HECW1: variants seen among roughly 807,000 people sequenced by gnomAD.
HECW1 encodes HECT, C2 and WW domain containing E3 ubiquitin protein ligase 1.
Under a neutral mutation model 182.3 loss-of-function variants are expected in HECW1, and 61 were observed. The observed-to-expected ratio is 0.33, with a 90% CI of 0.27 to 0.41. The LOEUF is 0.41. HECW1 is among the 10% of genes least tolerant of loss of function. The pLI is 1.00. For missense variants in HECW1, 1,739 were observed against 2,108.9 expected (o/e 0.82, Z 3.44); for synonymous variants, 859 against 832.6 (o/e 1.03, Z -0.55).
At chr7:43,215,861 C>T (rs1796395955) in intron 2 of HECW1, among the ~76,000 whole-genome samples, 1 of 152,168 alleles carries the variant, frequency 6.6e-6, no homozygotes, top group Admixed American at 6.5e-5. Context: ...ATGTCTGTGC[C>T]TCTCTCTGTA....
intron 6 of HECW1, among the ~76,000 whole-genome samples, chr7:43,373,062 A>G (rs542436396): frequency 1.1e-3 from 171 of 152,308 alleles, no homozygotes; most frequent in Non-Finnish European, 2.1e-3. Flanking sequence ...TCTGATGATT[A>G]TAATGTCATT....
intron 2 of HECW1, among the ~76,000 whole-genome samples, chr7:43,215,626 T>C (rs1228739045): frequency 1.3e-5 from 2 of 152,214 alleles, no homozygotes; most frequent in African/African-American, 4.8e-5. Context: ...TTATCACCAC[T>C]CTTTATGCAT....
intron 13 of HECW1, among the ~76,000 whole-genome samples, chr7:43,456,836 A>G (rs151035893): frequency 5.3e-4 from 80 of 152,290 alleles, no homozygotes; most frequent in African/African-American, 1.8e-3. Flanking sequence ...ACTGGTCCAC[A>G]CCCATCATAC....
chr7:43,519,669 A>C (rs376081419), intron 24 of HECW1, among the ~76,000 whole-genome samples: 6 of 152,150 alleles, frequency 3.9e-5, no homozygotes, highest in African/African-American at 1.4e-4. Context: ...GGGAATGGTT[A>C]AATGTATTAC....
intron 24 of HECW1, among the ~76,000 whole-genome samples, chr7:43,521,560 C>G (rs1045571455): frequency 6.6e-6 from 1 of 152,162 alleles, no homozygotes; most frequent in Non-Finnish European, 1.5e-5. Flanking sequence ...TGAAACTTAA[C>G]CCCCAAGGTG....
chr7:43,536,421 T>C (rs1040699916), intron 24 of HECW1, among the ~76,000 whole-genome samples: 1 of 152,092 alleles, frequency 6.6e-6, no homozygotes, highest in Admixed American at 6.5e-5. Flanking sequence ...GTGGCTAGAA[T>C]GGGGAAAAGG....
intron 4 of HECW1, among the ~76,000 whole-genome samples, chr7:43,315,246 C>G (rs1358705862): frequency 6.6e-6 from 1 of 152,084 alleles, no homozygotes; most frequent in Non-Finnish European, 1.5e-5. Flanking sequence ...TCTAGAAGAG[C>G]AGAAGCTGTA....
At chr7:43,263,386 A>G in intron 3 of HECW1, among the ~76,000 whole-genome samples, 1 of 152,122 alleles carries the variant, frequency 6.6e-6, no homozygotes, top group Non-Finnish European at 1.5e-5. Context: ...TTTGAGATGG[A>G]GTCTCACTCT....
At chr7:43,392,910 G>A (rs1399466315) in intron 6 of HECW1, among the ~76,000 whole-genome samples, 1 of 152,168 alleles carries the variant, frequency 6.6e-6, no homozygotes, top group Non-Finnish European at 1.5e-5. Context: ...TGCAGTTTTA[G>A]GGGTGTGCAA....
At chr7:43,208,783 T>G (rs1426367569) in intron 2 of HECW1, among the ~76,000 whole-genome samples, 1 of 152,176 alleles carries the variant, frequency 6.6e-6, no homozygotes, top group Non-Finnish European at 1.5e-5. Flanking sequence ...GCTGTTTCTT[T>G]CCACCGAAGC....
chr7:43,381,840 T>C (rs1056196794), intron 6 of HECW1, among the ~76,000 whole-genome samples: 3 of 151,994 alleles, frequency 2.0e-5, no homozygotes, highest in Non-Finnish European at 4.4e-5. Context: ...TTTTTAAAAA[T>C]TTTTTTAGAA....
intron 8 of HECW1, among the ~76,000 whole-genome samples, chr7:43,425,038 A>T (rs944141837): frequency 6.6e-6 from 1 of 152,180 alleles, no homozygotes; most frequent in Non-Finnish European, 1.5e-5. Flanking sequence ...GAATTAATAC[A>T]GCACAAGTCC....
chr7:43,537,900 A>G (rs1402794783), intron 24 of HECW1, among the ~76,000 whole-genome samples: 1 of 152,182 alleles, frequency 6.6e-6, no homozygotes, highest in East Asian at 1.9e-4. Context: ...AAGCAAATAT[A>G]CAATTCTCTG....
intron 2 of HECW1, among the ~76,000 whole-genome samples, chr7:43,184,103 T>A (rs1793135302): frequency 6.6e-6 from 1 of 152,128 alleles, no homozygotes; most frequent in Non-Finnish European, 1.5e-5. Flanking sequence ...AAGCTCCACC[T>A]CCTGAGTTCA....
chr7:43,184,464 A>G (rs1226547609), intron 2 of HECW1, among the ~76,000 whole-genome samples: 1 of 152,200 alleles, frequency 6.6e-6, no homozygotes, highest in Non-Finnish European at 1.5e-5. Context: ...TTCCTGAGGT[A>G]GAGTTTCTAA....
At chr7:43,431,753 C>A (rs2076554295) in intron 8 of HECW1, among the ~76,000 whole-genome samples, 1 of 152,180 alleles carries the variant, frequency 6.6e-6, no homozygotes, top group South Asian at 2.1e-4. Flanking sequence ...TCCAGTATGA[C>A]CCAGAGGTAG....
At chr7:43,531,270 C>T (rs995916295) in intron 24 of HECW1, among the ~76,000 whole-genome samples, 3 of 152,200 alleles carry the variant, frequency 2.0e-5, no homozygotes, top group African/African-American at 2.4e-5. Flanking sequence ...GATTTAACCC[C>T]GCCAGAGCCA....
intron 2 of HECW1, among the ~76,000 whole-genome samples, chr7:43,163,846 G>A (rs985779480): frequency 6.6e-6 from 1 of 152,184 alleles, no homozygotes; most frequent in Non-Finnish European, 1.5e-5. Flanking sequence ...GCAAAGATGA[G>A]GGTATTGCAG....
chr7:43,320,606 T>A, intron 4 of HECW1, 29 bp from the exon 5 acceptor site: 1 of 1,452,612 alleles, frequency 6.9e-7, no homozygotes, highest in Non-Finnish European at 9.7e-7. Flanking sequence ...TATGTTTCTC[T>A]GCTCTGCTTT....
Sources: gnomAD v4.1 joint callset for allele counts (sites outside exome capture counted in the v4.1 genomes callset) on GRCh38, gnomAD v4.1.1 for gene constraint, MANE v1.5 for transcripts, NCBI Gene and HGNC (gene_info 2026-07-23, HGNC 2026-07-21) for gene names.